DPF3: variants seen among roughly 807,000 people sequenced by gnomAD.
DPF3 encodes zinc finger protein DPF3.
Under a neutral mutation model 56.8 loss-of-function variants are expected in DPF3, and 18 were observed. The observed-to-expected ratio is 0.32, with a 90% CI of 0.22 to 0.47. The LOEUF (loss-of-function observed/expected upper bound fraction) is 0.47, where lower values mean the gene tolerates loss of function less well. Among genes scored for constraint, DPF3 ranks in the 20% least tolerant of loss-of-function variants. The pLI, the probability that DPF3 is intolerant of heterozygous loss-of-function variation, is 1.00. For missense variants in DPF3, 403 were observed against 488.8 expected (o/e 0.82, Z 1.65); for synonymous variants, 188 against 180.2 (o/e 1.04, Z -0.35).
At chr14:72,794,853 C>A (rs925285477) in intron 1 of DPF3, among the ~76,000 whole-genome samples, 1 of 152,122 alleles carries the variant, frequency 6.6e-6, no homozygotes, top group African/African-American at 2.4e-5. Flanking sequence ...TCTAAGGGAG[C>A]AGTTTCTTCC....
At chr14:72,707,141 A>T (rs906984084) in intron 6 of DPF3, among the ~76,000 whole-genome samples, 6 of 152,052 alleles carry the variant, frequency 3.9e-5, no homozygotes, top group Non-Finnish European at 7.4e-5. Flanking sequence ...CCATGTCCCT[A>T]CAAAGGACAT....
At chr14:72,875,081 C>A (rs1811758556) in intron 1 of DPF3, among the ~76,000 whole-genome samples, 1 of 152,158 alleles carries the variant, frequency 6.6e-6, no homozygotes, top group Non-Finnish European at 1.5e-5. Context: ...ATAAACCCAC[C>A]AGATCTTGTG....
chr14:72,719,238 T>A (rs1459721951), intron 5 of DPF3, among the ~76,000 whole-genome samples: 1 of 151,646 alleles, frequency 6.6e-6, no homozygotes, highest in Non-Finnish European at 1.5e-5. Flanking sequence ...CCTGGCTAAT[T>A]TTTTCAGAGA....
intron 8 of DPF3, among the ~76,000 whole-genome samples, chr14:72,633,901 T>G (rs1885300771): frequency 6.6e-6 from 1 of 152,224 alleles, no homozygotes; most frequent in African/African-American, 2.4e-5. Flanking sequence ...GAAGACATTT[T>G]CTGGGATAGC....
intron 1 of DPF3, chr14:72,892,332 G>T (rs1399135732): frequency 3.3e-6 from 5 of 1,535,310 alleles, no homozygotes; most frequent in Non-Finnish European, 4.4e-6. Context: ...CATTTATTCT[G>T]CCATAAAACA....
At chr14:72,759,972 G>C (rs560599573) in intron 2 of DPF3, among the ~76,000 whole-genome samples, 9 of 151,946 alleles carry the variant, frequency 5.9e-5, no homozygotes, top group Non-Finnish European at 1.2e-4. Flanking sequence ...ATATACAAAA[G>C]CTGAAATAAT....
At chr14:72,692,974 T>G in intron 7 of DPF3, 102 bp downstream of exon 7, 1 of 1,556,596 alleles carries the variant, frequency 6.4e-7, no homozygotes, top group Non-Finnish European at 8.7e-7. Flanking sequence ...ACTCAACGGT[T>G]GCTACCAGAA....
At chr14:72,800,831 C>A (rs1168753983) in intron 1 of DPF3, among the ~76,000 whole-genome samples, 5 of 152,172 alleles carry the variant, frequency 3.3e-5, no homozygotes, top group Non-Finnish European at 5.9e-5. Flanking sequence ...GACAAGCAAG[C>A]AGTTATGTAG....
chr14:72,730,499 G>A (rs915128490), intron 4 of DPF3, among the ~76,000 whole-genome samples: 3 of 152,122 alleles, frequency 2.0e-5, no homozygotes, highest in Non-Finnish European at 2.9e-5. Flanking sequence ...TGCCTTTATC[G>A]AGACTCAACT....
At chr14:72,668,864 A>C (rs1237221950) in intron 8 of DPF3, among the ~76,000 whole-genome samples, 1 of 152,226 alleles carries the variant, frequency 6.6e-6, no homozygotes, top group Non-Finnish European at 1.5e-5. Flanking sequence ...AGTCAAAGGT[A>C]CAGAGTAAAG....
intron 6 of DPF3, among the ~76,000 whole-genome samples, chr14:72,707,959 T>C (rs949146124): frequency 1.3e-5 from 2 of 152,146 alleles, no homozygotes; most frequent in African/African-American, 2.4e-5. Context: ...GAAAAAGTTA[T>C]TTTAAAAAAA....
chr14:72,722,462 A>C (rs1889216285), intron 5 of DPF3, among the ~76,000 whole-genome samples: 1 of 152,192 alleles, frequency 6.6e-6, no homozygotes, highest in African/African-American at 2.4e-5. Context: ...GAGCTCCTAA[A>C]GCAGAATTTC....
rs557068936 is a variant in DPF3 at position 72,787,612 on chromosome 14, T to C, written c.33-15719A>G. On this transcript the variant is annotated intron_variant, in intron 1 of 10. Coordinates refer to ENST00000556509, the MANE Select transcript of DPF3 (RefSeq NM_001280542.3). ...ACCTGGCTTTCATGGAATAGTCCAG[T>C]TCGCATCAAGGTCCCACTGTAATGA... 2.6e-5 allele frequency among the ~76,000 whole-genome samples: 4 copies of C among 152,262 alleles called. No homozygotes were observed. In the East Asian group the frequency reaches 5.8e-4, roughly 22 times the overall value.
chr14:72,626,314 C>T (rs935226385), intron 9 of DPF3, among the ~76,000 whole-genome samples: 1 of 152,082 alleles, frequency 6.6e-6, no homozygotes, highest in South Asian at 2.1e-4. Flanking sequence ...CTCCCAGACC[C>T]GTGTAGGTAA....
chr14:72,655,712 G>C (rs1886044574), intron 8 of DPF3, among the ~76,000 whole-genome samples: 7 of 152,238 alleles, frequency 4.6e-5, no homozygotes, highest in African/African-American at 1.7e-4. Flanking sequence ...CATTGCTTCA[G>C]TGTGAATATA....
At chr14:72,650,018 T>C (rs886964346) in intron 8 of DPF3, among the ~76,000 whole-genome samples, 2 of 152,214 alleles carry the variant, frequency 1.3e-5, no homozygotes, top group African/African-American at 2.4e-5. Flanking sequence ...CACTGGGCTC[T>C]GACCATCCGG....
intron 3 of DPF3, among the ~76,000 whole-genome samples, chr14:72,749,696 T>G (rs1370799462): frequency 1.3e-5 from 2 of 152,172 alleles, no homozygotes; most frequent in South Asian, 4.1e-4. Flanking sequence ...GCTGTTCTCA[T>G]TCTAGTGAAT....
chr14:72,756,933 G>GAAAGAA (rs1567223087), intron 2 of DPF3, among the ~76,000 whole-genome samples: 5 of 39,252 alleles, frequency 1.3e-4, no homozygotes, highest in East Asian at 7.2e-4. Context: ...AAAGAAAGAA[G>GAAAGAA]AGAAGAGAAG....
intron 1 of DPF3, among the ~76,000 whole-genome samples, chr14:72,799,940 C>T (rs562118302): frequency 1.3e-5 from 2 of 152,188 alleles, no homozygotes; most frequent in South Asian, 2.1e-4. Context: ...GCCCCTAGAC[C>T]GAGTCACGAG....
Sources: allele counts gnomAD v4.1 joint callset (sites outside exome capture counted in the v4.1 genomes callset), GRCh38; gene constraint gnomAD v4.1.1; transcripts MANE v1.5; gene names NCBI Gene and HGNC (gene_info 2026-07-23, HGNC 2026-07-21).